Variants in DPP10 observed in about 807,000 individuals in gnomAD.
DPP10 encodes inactive dipeptidyl peptidase 10.
A neutral mutation model predicts 120.9 loss-of-function variants in DPP10; 33 were observed. The ratio of observed to expected loss-of-function variants is 0.27; its 90% CI spans 0.21 to 0.37. The LOEUF is 0.37. DPP10 is among the 10% of genes least tolerant of loss of function. The pLI, the probability that DPP10 is intolerant of heterozygous loss-of-function variation, is 1.00. For synonymous variants in DPP10, 337 were observed against 326.1 expected, an observed-to-expected ratio of 1.03 and a Z score of -0.36; for missense variants, 816 against 942.8, an observed-to-expected ratio of 0.87 and a Z score of 1.76.
chr2:114,678,051 AG>A (rs1453193279), intron 1 of DPP10, among the ~76,000 whole-genome samples: 1 of 152,150 alleles, frequency 6.6e-6, no homozygotes, highest in African/African-American at 2.4e-5. Context: ...TATATTGATT[AG>A]GTTTTTGCTG....
chr2:115,172,577 G>A (rs188979848), intron 1 of DPP10, among the ~76,000 whole-genome samples: 58 of 152,152 alleles, frequency 3.8e-4, no homozygotes, highest in African/African-American at 1.2e-3. Flanking sequence ...TTAACCTGAC[G>A]TTAAACCCTA....
chr2:114,948,263 T>G (rs573322926), intron 1 of DPP10, among the ~76,000 whole-genome samples: 1 of 152,274 alleles, frequency 6.6e-6, no homozygotes, highest in East Asian at 1.9e-4. Flanking sequence ...TTTTAATGCT[T>G]TATACCCAAT....
intron 5 of DPP10, among the ~76,000 whole-genome samples, chr2:115,533,280 A>C (rs1410812371): frequency 6.6e-6 from 1 of 152,126 alleles, no homozygotes; most frequent in African/African-American, 2.4e-5. Context: ...AGTTGAATGA[A>C]TCCTTTAAAT....
At chr2:115,716,332 A>C (rs888196284) in intron 7 of DPP10, among the ~76,000 whole-genome samples, 1 of 152,196 alleles carries the variant, frequency 6.6e-6, no homozygotes, top group Non-Finnish European at 1.5e-5. Context: ...TCAGCCCCAA[A>C]TTAAAAGTTA....
intron 1 of DPP10, among the ~76,000 whole-genome samples, chr2:115,285,174 G>T (rs2060314716): frequency 6.6e-6 from 1 of 152,124 alleles, no homozygotes; most frequent in South Asian, 2.1e-4. Flanking sequence ...AGCAGGCCCA[G>T]GACCTACGTC....
chr2:115,600,440 C>A (rs749338884), intron 5 of DPP10, among the ~76,000 whole-genome samples: 7 of 152,202 alleles, frequency 4.6e-5, no homozygotes, highest in Non-Finnish European at 7.4e-5. Flanking sequence ...TGGAAAAGGA[C>A]AATAAAAGTT....
At chr2:115,233,974 CA>C (rs773654690) in intron 1 of DPP10, 6 of 517,442 alleles carry the variant, frequency 1.2e-5, no homozygotes, top group Non-Finnish European at 2.3e-5. Context: ...AATCAGCCTT[CA>C]AAACAGTAGG....
intron 5 of DPP10, among the ~76,000 whole-genome samples, chr2:115,677,777 A>G (rs1010671488): frequency 2.6e-5 from 4 of 152,226 alleles, no homozygotes; most frequent in African/African-American, 9.6e-5. Context: ...CAAAGCAAAT[A>G]TTGTTAGAAC....
chr2:114,792,070 T>G (rs1043059196), intron 1 of DPP10, among the ~76,000 whole-genome samples: 9 of 152,200 alleles, frequency 5.9e-5, no homozygotes, highest in African/African-American at 2.2e-4. Context: ...TTCCTTGGAA[T>G]TTTAGAAAAT....
intron 19 of DPP10, among the ~76,000 whole-genome samples, chr2:115,810,769 G>A (rs1402912871): frequency 6.6e-6 from 1 of 152,098 alleles, no homozygotes; most frequent in Non-Finnish European, 1.5e-5. Flanking sequence ...TCTCAACCTT[G>A]AAACACCCTT....
intron 1 of DPP10, among the ~76,000 whole-genome samples, chr2:114,993,870 TTGAC>T (rs1363626429): frequency 6.6e-6 from 1 of 152,122 alleles, no homozygotes; most frequent in Non-Finnish European, 1.5e-5. Context: ...GAAGTCCAAA[TTGAC>T]TGCAACTATG....
intron 1 of DPP10, among the ~76,000 whole-genome samples, chr2:115,108,255 G>A (rs2049045572): frequency 6.6e-6 from 1 of 152,206 alleles, no homozygotes; most frequent in Non-Finnish European, 1.5e-5. Flanking sequence ...TCACTGCACA[G>A]ATAGACCAAA....
At chr2:114,507,046 T>C (rs990913765) in intron 1 of DPP10, among the ~76,000 whole-genome samples, 1 of 149,856 alleles carries the variant, frequency 6.7e-6, no homozygotes, top group African/African-American at 2.5e-5. Flanking sequence ...TTTTCTTTTT[T>C]TTTCTTTTTT....
chr2:115,327,349 A>G (rs2062429139), intron 2 of DPP10, among the ~76,000 whole-genome samples: 1 of 152,108 alleles, frequency 6.6e-6, no homozygotes, highest in South Asian at 2.1e-4. Context: ...ATGTGATTGT[A>G]CAGTTGTTAA....
intron 3 of DPP10, among the ~76,000 whole-genome samples, chr2:115,491,212 C>A (rs2076099110): frequency 6.6e-6 from 1 of 152,138 alleles, no homozygotes. Context: ...AGACTTAACT[C>A]CAACTACAGC....
At chr2:115,132,379 C>A (rs770484087) in intron 1 of DPP10, among the ~76,000 whole-genome samples, 2 of 152,146 alleles carry the variant, frequency 1.3e-5, no homozygotes, top group South Asian at 4.2e-4. Flanking sequence ...AAGGCCTGGC[C>A]GCATTAATGG....
chr2:115,147,732 G>A (rs1294754370), intron 1 of DPP10, among the ~76,000 whole-genome samples: 2 of 152,084 alleles, frequency 1.3e-5, no homozygotes, highest in Admixed American at 1.3e-4. Context: ...TGAATACTCT[G>A]AGAATGAAAA....
intron 1 of DPP10, among the ~76,000 whole-genome samples, chr2:114,945,632 T>C (rs1697290165): frequency 6.6e-6 from 1 of 152,106 alleles, no homozygotes; most frequent in Admixed American, 6.6e-5. Flanking sequence ...CTGGCCAACA[T>C]GGCAAAACCC....
chr2:115,497,183 T>A (rs1356325030), intron 3 of DPP10, among the ~76,000 whole-genome samples: 1 of 152,124 alleles, frequency 6.6e-6, no homozygotes, highest in Non-Finnish European at 1.5e-5. Flanking sequence ...TTAGGAGAAT[T>A]CAGGCCTCTT....
Sources: allele counts gnomAD v4.1 joint callset (sites outside exome capture counted in the v4.1 genomes callset), GRCh38; gene constraint gnomAD v4.1.1; transcripts MANE v1.5; gene names NCBI Gene and HGNC (gene_info 2026-07-23, HGNC 2026-07-21).